BICD1: variants seen among roughly 807,000 people sequenced by gnomAD.
BICD1 encodes the protein protein bicaudal D homolog 1.
Under a neutral mutation model 92.5 loss-of-function variants are expected in BICD1, and 35 were observed. That is an observed-to-expected ratio of 0.38 (90% CI 0.29 to 0.50). The LOEUF is 0.50. Ranked by LOEUF, BICD1 falls within the 20% of genes least tolerant of loss-of-function variation. The pLI is 0.93. For synonymous variants in BICD1, 429 were observed against 465.1 expected (o/e 0.92, Z 1.00); for missense variants, 950 against 1,189.8 (o/e 0.80, Z 2.97).
intron 2 of BICD1, among the ~76,000 whole-genome samples, chr12:32,289,891 T>C (rs1947681671): frequency 6.6e-6 from 1 of 152,366 alleles, no homozygotes; most frequent in South Asian, 2.1e-4. Context: ...TTCTTTTAAG[T>C]TGGCAAACTC....
At position 32,376,586 on chromosome 12, in the gene BICD1, G is replaced by A. The variant is rs1178453818; in HGVS notation, c.2841-954G>A. Among the ~76,000 whole-genome samples the A allele has an allele frequency of 2.6e-5, 4 of 152,092 alleles. No homozygotes were observed. In the East Asian group the frequency reaches 7.8e-4, roughly 30 times the overall value. ...TACACTTAACAAATGGGAAATGTTA[G>A]GCTGGGCTCGGTGGCTCACGCCTGT... On this transcript the variant is annotated intron_variant, in intron 9 of 9. Coordinates refer to ENST00000652176, the MANE Select transcript of BICD1 (RefSeq NM_001714.4).
intron 2 of BICD1, among the ~76,000 whole-genome samples, chr12:32,251,072 C>T (rs561791152): frequency 1.3e-4 from 20 of 152,130 alleles, no homozygotes; most frequent in Admixed American, 1.2e-3. Context: ...AAAATTTTCT[C>T]CTTTTGGAAT....
rs1938236378 is a variant in BICD1 at position 32,338,786 on chromosome 12, A to G, written c.2571A>G (p.Arg857=). 1.9e-6 allele frequency: 3 copies of G among 1,572,030 alleles called. No individual in the cohort carries two copies. Among genetic ancestry groups the G allele is most frequent in the Non-Finnish European group, 2.6e-6 (3 of 1,165,360 alleles). Residue 857 remains arginine (R), a splice_region_variant and synonymous_variant, in exon 8 of 10, where the codon AGA becomes AGG. Transcript: ENST00000652176. ...GTATTTTTCTTGGATCTCCTGCAAG[A>G]CAATTTTCACCTTCCCTTTGTGATC... ...IRVSSGTQRK[R]QFSPSLCDQS... is the part of the protein sequence containing the mutation.
chr12:32,224,278 G>C (rs1945619707), intron 2 of BICD1, among the ~76,000 whole-genome samples: 2 of 152,190 alleles, frequency 1.3e-5, no homozygotes, highest in Admixed American at 1.3e-4. Context: ...ATGATGCAGT[G>C]CACCAAACAG....
intron 8 of BICD1, among the ~76,000 whole-genome samples, chr12:32,364,696 A>G (rs1311304652): frequency 6.6e-6 from 1 of 152,210 alleles, no homozygotes; most frequent in East Asian, 1.9e-4. Context: ...CACACCTACA[A>G]TCCCCACATC....
At chr12:32,302,231 T>C (rs1948073428) in intron 3 of BICD1, among the ~76,000 whole-genome samples, 1 of 152,182 alleles carries the variant, frequency 6.6e-6, no homozygotes, top group African/African-American at 2.4e-5. Flanking sequence ...TTTTCAAATG[T>C]TTGTGAAATC....
chr12:32,204,199 A>T (rs1014891861), intron 1 of BICD1, among the ~76,000 whole-genome samples: 1 of 151,804 alleles, frequency 6.6e-6, no homozygotes, highest in African/African-American at 2.4e-5. Context: ...AAAATGCATA[A>T]ATTAACTGGG....
intron 1 of BICD1, among the ~76,000 whole-genome samples, chr12:32,154,971 A>G (rs920446959): frequency 2.8e-4 from 42 of 152,182 alleles, no homozygotes; most frequent in African/African-American, 9.9e-4. Flanking sequence ...TGTTTCTGCA[A>G]TTAGACAGAA....
At chr12:32,275,475 T>C (rs1357393999) in intron 2 of BICD1, among the ~76,000 whole-genome samples, 1 of 152,176 alleles carries the variant, frequency 6.6e-6, no homozygotes, top group African/African-American at 2.4e-5. Flanking sequence ...ATATGATGAG[T>C]TAGAGTCATA....
At chr12:32,177,682 A>ATTCTTTTTTTTTTTTTTTTTT (rs766041969) in intron 1 of BICD1, among the ~76,000 whole-genome samples, 5 of 43,036 alleles carry the variant, frequency 1.2e-4, no homozygotes, top group African/African-American at 1.1e-4. Flanking sequence ...AAGAAAACAC[A>ATTCTTTTTTTTTTTTTTTTTT]TTATTAAAGT....
intron 8 of BICD1, among the ~76,000 whole-genome samples, chr12:32,362,615 C>T (rs78483657): frequency 7.2e-4 from 109 of 152,282 alleles, no homozygotes; most frequent in African/African-American, 2.5e-3. Context: ...GTTTCTTTGA[C>T]TCTATGACCC....
chr12:32,218,869 A>C (rs1229432175), intron 2 of BICD1, among the ~76,000 whole-genome samples: 3 of 152,220 alleles, frequency 2.0e-5, no homozygotes, highest in Non-Finnish European at 4.4e-5. Flanking sequence ...CAGCAGATAC[A>C]TTTTATTTTG....
intron 1 of BICD1, among the ~76,000 whole-genome samples, chr12:32,158,209 G>A (rs1030287585): frequency 6.6e-6 from 1 of 151,074 alleles, no homozygotes; most frequent in Non-Finnish European, 1.5e-5. Flanking sequence ...GGGTTCAAGC[G>A]ATTCTCCTGC....
chr12:32,149,284 AG>A (rs1943216914), intron 1 of BICD1, among the ~76,000 whole-genome samples: 1 of 152,050 alleles, frequency 6.6e-6, no homozygotes, highest in South Asian at 2.1e-4. Context: ...GTGATGATAG[AG>A]GGGGTCCACT....
At chr12:32,189,838 A>T (rs1168905562) in intron 1 of BICD1, among the ~76,000 whole-genome samples, 4 of 151,818 alleles carry the variant, frequency 2.6e-5, no homozygotes, top group African/African-American at 9.7e-5. Context: ...AGCTGGGACT[A>T]CAGGCACGCA....
intron 1 of BICD1, among the ~76,000 whole-genome samples, chr12:32,113,220 G>C (rs1171835117): frequency 6.6e-6 from 1 of 152,152 alleles, no homozygotes; most frequent in African/African-American, 2.4e-5. Context: ...AGCTATTTGG[G>C]AGGTAGGGTG....
intron 2 of BICD1, 151 bp downstream of exon 2, chr12:32,216,610 A>G (rs1945370195): frequency 1.4e-6 from 1 of 739,268 alleles, no homozygotes; most frequent in Non-Finnish European, 2.1e-6. Flanking sequence ...TTTCTTTTTT[A>G]GTGAAATGAT....
Position 32,303,264 on chromosome 12 carries a change from A to G in BICD1, c.580-2433A>G, listed in dbSNP as rs190173559. 2.0e-4 allele frequency among the ~76,000 whole-genome samples: 30 copies of G among 152,230 alleles called. No individual in the cohort carries two copies. The East Asian group carries it at 4.3e-3, about 22-fold the overall frequency. ...GTCCTCATAATGCATTTCACACACC[A>G]TAGTGTGGTGAGCACATTCTTTCAC... On this transcript the variant is annotated intron_variant, in intron 3 of 9. Coordinates refer to ENST00000652176, the MANE Select transcript of BICD1 (RefSeq NM_001714.4).
chr12:32,234,643 A>G (rs1285939331), intron 2 of BICD1, among the ~76,000 whole-genome samples: 2 of 150,184 alleles, frequency 1.3e-5, no homozygotes, highest in East Asian at 1.9e-4. Flanking sequence ...AAGCAGAATT[A>G]TAACTAAACA....
Sources: allele counts gnomAD v4.1 joint callset (sites outside exome capture counted in the v4.1 genomes callset), GRCh38; gene constraint gnomAD v4.1.1; transcripts MANE v1.5; gene names NCBI Gene and HGNC (gene_info 2026-07-23, HGNC 2026-07-21).